Variants in MAP2K5 observed in about 807,000 individuals in gnomAD.
MAP2K5 encodes mitogen-activated protein kinase kinase 5.
Under a neutral mutation model 83.1 loss-of-function variants are expected in MAP2K5, and 49 were observed. The observed-to-expected ratio is 0.59, with a 90% confidence interval of 0.47 to 0.75. The LOEUF (loss-of-function observed/expected upper bound fraction) is 0.75. Among genes scored for constraint, MAP2K5 ranks in the 30% least tolerant of loss-of-function variants. The pLI is 0.00. For missense variants in MAP2K5, 457 were observed against 557.5 expected (o/e 0.82, Z 1.82); for synonymous variants, 202 against 191.8 (o/e 1.05, Z -0.44).
intron 14 of MAP2K5, 113 bp downstream of exon 14, chr15:67,692,665 C>A: frequency 1.4e-6 from 1 of 738,988 alleles, no homozygotes; most frequent in Non-Finnish European, 2.3e-6. Context: ...AGAAACTCTG[C>A]ATCTTTTCCT....
At chr15:67,656,622 C>G (rs979364341) in intron 11 of MAP2K5, among the ~76,000 whole-genome samples, 1 of 152,116 alleles carries the variant, frequency 6.6e-6, no homozygotes, top group African/African-American at 2.4e-5. Flanking sequence ...AGCCATCGTG[C>G]CTGGCCACCT....
At chr15:67,564,407 C>CGACT (rs1178738486) in intron 3 of MAP2K5, among the ~76,000 whole-genome samples, 1 of 152,126 alleles carries the variant, frequency 6.6e-6, no homozygotes, top group Non-Finnish European at 1.5e-5. Flanking sequence ...TAATCTTAGT[C>CGACT]AACAGTTAGG....
chr15:67,557,433 G>A (rs1188217054), intron 2 of MAP2K5, among the ~76,000 whole-genome samples: 1 of 152,120 alleles, frequency 6.6e-6, no homozygotes, highest in African/African-American at 2.4e-5. Context: ...TTGTCAAACC[G>A]TGTGTCTGAG....
chr15:67,595,674 T>C (rs1242754869), intron 7 of MAP2K5, among the ~76,000 whole-genome samples: 1 of 152,256 alleles, frequency 6.6e-6, no homozygotes, highest in Non-Finnish European at 1.5e-5. Context: ...GTCTTTGGAA[T>C]GGAGACATTG....
Position 67,561,555 on chromosome 15 carries a change from T to G in MAP2K5, c.185-1728T>G, listed in dbSNP as rs1281135997. Among the ~76,000 whole-genome samples, 3 of 152,170 alleles carry G rather than the reference T, an allele frequency of 2.0e-5. No individual in the cohort carries two copies. The highest frequency in any genetic ancestry group is 7.2e-5 in the African/African-American group (3 of 41,442). ...AATACTGGTAGTGACTCTCCTAGAT[T>G]TAGACAGTGTGATCTTGATGATACC... On this transcript the variant is annotated intron_variant, in intron 2 of 21. Transcript: ENST00000178640. The surrounding 1 kb of genome is among the most constrained non-coding windows in gnomAD (Gnocchi z 4.2).
rs368515921 is a variant in MAP2K5, at chr15:67,758,609, CT to C, written c.1134+10017del. Among the ~76,000 whole-genome samples the C allele has an allele frequency of 5.8e-4, 88 of 151,476 alleles. No homozygotes were observed. In the East Asian group the frequency reaches 0.014, roughly 24 times the overall value. ...TGACATTTATGCATAAATCTCAACA[CT>C]TTTTTTTTCAAGACCTCAGAAATAC... On this transcript the variant is annotated intron_variant, in intron 19 of 21. Transcript: ENST00000178640. This position sits in a 1 kb window ranked among gnomAD's most constrained non-coding sequence, Gnocchi z 4.7.
intron 6 of MAP2K5, among the ~76,000 whole-genome samples, chr15:67,588,698 T>C (rs979625548): frequency 4.6e-5 from 7 of 152,270 alleles, no homozygotes; most frequent in African/African-American, 1.4e-4. Context: ...TCATCTTTTC[T>C]GATATGACAT....
chr15:67,745,928 A>G lies in MAP2K5; in HGVS notation c.1075-2303A>G, dbSNP rs75747832. Among the ~76,000 whole-genome samples the G allele has an allele frequency of 9.4e-3, 1,436 of 152,356 alleles. 18 individuals carry two copies. The highest frequency in any genetic ancestry group is 0.033 in the African/African-American group (1,370 of 41,574). ...TTACCTTAATACAAAATTTATGAAG[A>G]TGATTTCATATAATATGTTGCTATC... On this transcript the variant is annotated intron_variant, in intron 17 of 21. Coordinates refer to ENST00000178640, the MANE Select transcript of MAP2K5 (RefSeq NM_145160.3).
At chr15:67,737,558 GA>G (rs3837738) in intron 17 of MAP2K5, among the ~76,000 whole-genome samples, 17,804 of 151,978 alleles carry the variant, frequency 0.12, 1,163 homozygotes, top group African/African-American at 0.14. Context: ...TAAGTTCATT[GA>G]AAAAATCAAT....
chr15:67,711,398 G>A (rs1159995765), intron 16 of MAP2K5, among the ~76,000 whole-genome samples: 1 of 152,206 alleles, frequency 6.6e-6, no homozygotes. Flanking sequence ...GCCAGCCTAA[G>A]CTATAGAACC....
chr15:67,681,340 G>A (rs1299199503), intron 13 of MAP2K5, among the ~76,000 whole-genome samples: 2 of 152,226 alleles, frequency 1.3e-5, no homozygotes, highest in African/African-American at 4.8e-5. Context: ...GAGCATGTGA[G>A]TGTTGTGAGT....
Position 67,561,424 on chromosome 15 carries a change from A to G in MAP2K5, c.185-1859A>G, listed in dbSNP as rs1018459649. Among the ~76,000 whole-genome samples the G allele has an allele frequency of 3.9e-5, 6 of 152,218 alleles. No homozygotes were observed. Among genetic ancestry groups the G allele is most frequent in the African/African-American group, 1.4e-4 (6 of 41,460 alleles). On this transcript the variant is annotated intron_variant, in intron 2 of 21. Transcript: ENST00000178640. This position sits in a 1 kb window ranked among gnomAD's most constrained non-coding sequence, Gnocchi z 4.2. ...AGAGATTCTATATCTAAAGCGAATG[A>G]AAGAATCTTTATGTGTGTAACATCT...
chr15:67,547,752 C>T (rs2084426439), intron 1 of MAP2K5, among the ~76,000 whole-genome samples: 2 of 152,174 alleles, frequency 1.3e-5, no homozygotes, highest in East Asian at 1.9e-4. Context: ...CCACTGCGCC[C>T]ATCCCGGTTT....
chr15:67,685,703 AC>A (rs1381785350), intron 13 of MAP2K5, among the ~76,000 whole-genome samples: 1 of 152,254 alleles, frequency 6.6e-6, no homozygotes, highest in Non-Finnish European at 1.5e-5. Context: ...TAAATGAAAT[AC>A]CCTAATATTA....
intron 9 of MAP2K5, among the ~76,000 whole-genome samples, chr15:67,642,987 T>A (rs1037566347): frequency 4.6e-5 from 7 of 152,120 alleles, no homozygotes; most frequent in Non-Finnish European, 8.8e-5. Context: ...CTTAAATAAG[T>A]GATTCTCAAC....
intron 8 of MAP2K5, among the ~76,000 whole-genome samples, chr15:67,610,619 T>G (rs538127140): frequency 3.9e-5 from 6 of 152,274 alleles, no homozygotes; most frequent in Non-Finnish European, 5.9e-5. Flanking sequence ...TTTTTTTTTC[T>G]TTGCTCTGTC....
chr15:67,633,657 C>A (rs1331514499), intron 9 of MAP2K5, among the ~76,000 whole-genome samples: 3 of 152,124 alleles, frequency 2.0e-5, no homozygotes, highest in African/African-American at 7.2e-5. Flanking sequence ...CTGGGCTTTA[C>A]AACAAGAACT....
chr15:67,699,339 C>T (rs2088351323), intron 15 of MAP2K5, among the ~76,000 whole-genome samples: 1 of 152,128 alleles, frequency 6.6e-6, no homozygotes, highest in Admixed American at 6.5e-5. Flanking sequence ...GTCAGAAGGT[C>T]TCAGAGGAGA....
rs1438324636 is a variant in MAP2K5 at position 67,793,164 on chromosome 15, C to T, written c.1243-13482C>T. ...ACAAAGTTAAATTTACTTCCAGCTA[C>T]TCGGGAAACTGAAACAGGATCATCT... On this transcript the variant is annotated intron_variant, in intron 21 of 21. Coordinates refer to ENST00000178640, the MANE Select transcript of MAP2K5 (RefSeq NM_145160.3). The surrounding 1 kb of genome is among the most constrained non-coding windows in gnomAD (Gnocchi z 4.6). 6.6e-6 allele frequency among the ~76,000 whole-genome samples: 1 copy of T among 152,184 alleles called. No individual in the cohort carries two copies. Among genetic ancestry groups the T allele is most frequent in the Non-Finnish European group, 1.5e-5 (1 of 68,044 alleles).
Sources: gnomAD v4.1 joint callset for allele counts (sites outside exome capture counted in the v4.1 genomes callset) on GRCh38, gnomAD v4.1.1 for gene constraint, Gnocchi (gnomAD v3.1) non-coding constraint, MANE v1.5 for transcripts, NCBI Gene and HGNC (gene_info 2026-07-23, HGNC 2026-07-21) for gene names.